The following DCHS2 variants were observed in gnomAD, a reference collection of about 807,000 sequenced individuals.
DCHS2 encodes the protein dachsous cadherin-related 2.
A neutral mutation model predicts 182.4 loss-of-function variants in DCHS2; 142 were observed. The ratio of observed to expected loss-of-function variants is 0.78; its 90% CI spans 0.68 to 0.89. The LOEUF (loss-of-function observed/expected upper bound fraction) is 0.89. Among genes scored for constraint, DCHS2 ranks in the 40% least tolerant of loss-of-function variants. The probability of loss-of-function intolerance (pLI) is 0.00; values close to 1 mark genes in which losing one functional copy is unlikely to be tolerated. For missense variants in DCHS2, 4,319 were observed against 4,198.6 expected (o/e 1.03, Z -0.79); for synonymous variants, 1,740 against 1,663.3 (o/e 1.05, Z -1.12).
intron 1 of DCHS2, among the ~76,000 whole-genome samples, chr4:154,422,849 C>T (rs890172133): frequency 2.0e-5 from 3 of 152,142 alleles, no homozygotes; most frequent in African/African-American, 7.2e-5. Context: ...TACGCTTGTC[C>T]AGGCAATTCC....
At position 154,454,435 on chromosome 4, in the gene DCHS2, G is replaced by T. The variant is rs1035284817; in HGVS notation, c.2052+34869C>A. ...ATTTTTCTATTTTTTATAGAGATGG[G>T]GTCTCACCATGTTGCCCAGGCTAAC... On this transcript the variant is annotated intron_variant, in intron 1 of 19. Coordinates refer to ENST00000357232, the MANE Select transcript of DCHS2 (RefSeq NM_001358235.2). Among the ~76,000 whole-genome samples, 63 of 151,844 alleles carry T rather than the reference G, an allele frequency of 4.1e-4. 1 individual carries two copies. Among genetic ancestry groups the T allele is most frequent in the African/African-American group, 1.5e-3 (62 of 41,400 alleles).
intron 14 of DCHS2, 30 bp from the exon 15 acceptor site, chr4:154,259,786 A>T (rs1400180002): frequency 1.3e-6 from 2 of 1,573,256 alleles, no homozygotes; most frequent in Admixed American, 4.0e-5. Context: ...GAAAAAAAAG[A>T]AAATGATGTT....
chr4:154,329,380 T>G, intron 6 of DCHS2, 143 bp downstream of exon 6: 2 of 798,374 alleles, frequency 2.5e-6, no homozygotes, highest in Non-Finnish European at 3.9e-6. Context: ...AAATAACATG[T>G]GCACAGTATC....
intron 10 of DCHS2, among the ~76,000 whole-genome samples, chr4:154,312,573 A>G (rs1735708363): frequency 1.3e-5 from 2 of 152,200 alleles, no homozygotes; most frequent in Admixed American, 1.3e-4. Context: ...ACAAATAAAT[A>G]AAAATAAAGG....
chr4:154,456,941 T>G (rs1220446028), intron 1 of DCHS2, among the ~76,000 whole-genome samples: 1 of 152,196 alleles, frequency 6.6e-6, no homozygotes. Context: ...CTCAGTTTAC[T>G]CATAAGTACC....
intron 1 of DCHS2, among the ~76,000 whole-genome samples, chr4:154,438,979 G>A (rs1733889184): frequency 6.6e-6 from 1 of 152,114 alleles, no homozygotes. Flanking sequence ...TTGTGGCTTT[G>A]TTATGTTTTG....
intron 3 of DCHS2, among the ~76,000 whole-genome samples, chr4:154,338,957 T>C (rs959707544): frequency 2.0e-5 from 3 of 152,214 alleles, no homozygotes; most frequent in African/African-American, 7.2e-5. Context: ...ATAGATCTTA[T>C]ATCTCTCATA....
At chr4:154,391,316 T>A in intron 1 of DCHS2, 16 of 1,567,690 alleles carry the variant, frequency 1.0e-5, no homozygotes, top group Non-Finnish European at 1.4e-5. Context: ...ATATCTCCTA[T>A]ATGAGGGTAG....
At chr4:154,241,585 TC>T (rs1255850332) in intron 17 of DCHS2, among the ~76,000 whole-genome samples, 1 of 152,152 alleles carries the variant, frequency 6.6e-6, no homozygotes, top group Non-Finnish European at 1.5e-5. Context: ...TCAGAATAGT[TC>T]CATTGTATAT....
chr4:154,313,424 A>G (rs1735742408), intron 10 of DCHS2, among the ~76,000 whole-genome samples: 1 of 152,186 alleles, frequency 6.6e-6, no homozygotes, highest in African/African-American at 2.4e-5. Flanking sequence ...GTATACTTAC[A>G]TTTTTAAAAA....
intron 1 of DCHS2, among the ~76,000 whole-genome samples, chr4:154,384,960 C>T (rs915988727): frequency 6.6e-5 from 10 of 151,758 alleles, no homozygotes; most frequent in Non-Finnish European, 1.3e-4. Context: ...TTTTAGGGTA[C>T]ATGTGCACAA....
chr4:154,320,647 G>A lies in DCHS2; in HGVS notation c.4752C>T (p.Ile1584=), dbSNP rs768084116. 2 of 1,614,150 alleles carry A rather than the reference G, an allele frequency of 1.2e-6. No homozygotes were observed. The highest frequency in any genetic ancestry group is 1.6e-4 in the Middle Eastern group (1 of 6,062). The change falls in exon 9 of 20, where the codon ATC becomes ATT. Residue 1584 remains isoleucine, a synonymous_variant. Transcript: ENST00000357232. Reference sequence around the variant, plus strand: ...CCTGATCAGATGCTGTTACTGTCAGGATGACAGTTGGAATGCTTTCTCTGT... The same window carrying A: ...CCTGATCAGATGCTGTTACTGTCAGAATGACAGTTGGAATGCTTTCTCTGT... ...RLDRESIPTV[I]LTVTASDQAV...
intron 1 of DCHS2, among the ~76,000 whole-genome samples, chr4:154,419,821 C>A (rs1467823687): frequency 7.1e-4 from 87 of 122,440 alleles, no homozygotes; most frequent in South Asian, 8.2e-4. Context: ...AGAACAAGAC[C>A]AAAAAAAAAA....
intron 1 of DCHS2, among the ~76,000 whole-genome samples, chr4:154,402,049 C>T (rs571414592): frequency 6.6e-6 from 1 of 152,142 alleles, no homozygotes. Context: ...AATCTTGGGT[C>T]TATAAGCAAT....
intron 1 of DCHS2, among the ~76,000 whole-genome samples, chr4:154,388,790 G>A (rs1009266789): frequency 6.6e-6 from 1 of 151,990 alleles, no homozygotes; most frequent in Non-Finnish European, 1.5e-5. Flanking sequence ...CACTGCGCCC[G>A]GCCAAATACA....
In DCHS2 at chr4:154,489,731, T is replaced by C; in HGVS notation, c.1625A>G (p.Gln542Arg). ...LNDQPPLFSQ[Q>R]HYKASVSEAA... ...CTCGGACACTGAGGCCTTGTAATGC[T>C]GTTGGCTGAAGAGAGGTGGTTGGTC... The change falls in exon 1 of 20, where the codon CAG (glutamine) becomes CGG (arginine). Residue 542 changes from glutamine (Q) to arginine (R), a missense_variant. Gln to Arg is a conservative substitution (Grantham distance 43, BLOSUM62 1). Transcript: ENST00000357232. 6.4e-7 allele frequency: 1 copy of C among 1,551,618 alleles called. No homozygotes were observed. Among genetic ancestry groups the C allele is most frequent in the African/African-American group, 1.4e-5 (1 of 73,166 alleles).
chr4:154,366,129 C>A, intron 3 of DCHS2, 81 bp downstream of exon 3: 2 of 1,161,012 alleles, frequency 1.7e-6, no homozygotes, highest in Non-Finnish European at 2.5e-6. Context: ...AAAAAAGTCA[C>A]TTTTTCTAAT....
chr4:154,389,073 A>G (rs1319553992), intron 1 of DCHS2, among the ~76,000 whole-genome samples: 1 of 152,088 alleles, frequency 6.6e-6, no homozygotes, highest in African/African-American at 2.4e-5. Flanking sequence ...TGTTACAACT[A>G]CTCAACTCTG....
At chr4:154,468,126 T>C (rs1306116556) in intron 1 of DCHS2, among the ~76,000 whole-genome samples, 2 of 152,158 alleles carry the variant, frequency 1.3e-5, no homozygotes, top group African/African-American at 2.4e-5. Context: ...GATTATTAAA[T>C]ATGGGCAGTT....
Sources: allele counts gnomAD v4.1 joint callset (sites outside exome capture counted in the v4.1 genomes callset), GRCh38; gene constraint gnomAD v4.1.1; transcripts MANE v1.5; gene names NCBI Gene and HGNC (gene_info 2026-07-23, HGNC 2026-07-21).